Variants in COL20A1 observed in about 807,000 individuals in gnomAD.
COL20A1 encodes the protein collagen type XX alpha 1 chain.
In COL20A1, 164 loss-of-function variants were observed where a neutral mutation model predicts 152.9. The ratio of observed to expected loss-of-function variants is 1.07; its 90% CI spans 0.94 to 1.22. COL20A1 has a LOEUF of 1.22. Among genes scored for constraint, COL20A1 ranks in the 50% most tolerant of loss-of-function variants. The pLI is 0.00. For missense variants in COL20A1, 1,873 were observed against 1,744.8 expected (o/e 1.07, Z -1.31); for synonymous variants, 864 against 756.0 (o/e 1.14, Z -2.34).
chr20:63,319,664 C>A lies in COL20A1; in HGVS notation c.2916+68C>A. ...CTGGGGCAGCCCAGCCCCACAGGGACCTGCCGGATGCCAACTCCTCTCCCT... is the reference window on the plus strand; with the variant it reads ...CTGGGGCAGCCCAGCCCCACAGGGAACTGCCGGATGCCAACTCCTCTCCCT... On this transcript the variant is annotated intron_variant, in intron 23 of 35. Transcript: ENST00000358894. This position sits in a 1 kb window ranked among gnomAD's most constrained non-coding sequence, Gnocchi z 4.4. 1.8e-6 allele frequency: 2 copies of A among 1,115,150 alleles called. No individual in the cohort carries two copies. Among genetic ancestry groups the A allele is most frequent in the Non-Finnish European group, 2.6e-6 (2 of 761,314 alleles). The allele number at this position is 1,115,150 out of a possible 1,614,324, so 69.1% of individuals were successfully genotyped here. A position where few individuals can be genotyped will look rare whatever the true frequency, so the allele number is the denominator to read the frequency against.
At position 63,306,805 on chromosome 20, in the gene COL20A1, C is replaced by G. The variant is rs1190853743; in HGVS notation, c.497-685C>G. Among the ~76,000 whole-genome samples, 2 of 152,238 alleles carry G rather than the reference C, an allele frequency of 1.3e-5. No homozygotes were observed. Among genetic ancestry groups the G allele is most frequent in the East Asian group, 3.8e-4 (2 of 5,200 alleles). ...TCTACCTCCCCCGTCAGACTTGGAA[C>G]TGAAGGAAGTGTTCTCCTCAGACTT... On this transcript the variant is annotated intron_variant, in intron 5 of 35. Coordinates refer to ENST00000358894, the MANE Select transcript of COL20A1 (RefSeq NM_020882.4). This position sits in a 1 kb window ranked among gnomAD's most constrained non-coding sequence, Gnocchi z 6.9.
chr20:63,318,203 C>A (rs998667379), intron 21 of COL20A1, among the ~76,000 whole-genome samples: 1 of 152,164 alleles, frequency 6.6e-6, no homozygotes, highest in Admixed American at 6.5e-5. Context: ...AGGGTGGACC[C>A]CCGTGAGGGT....
At chr20:63,297,497 G>A (rs1363983105) in intron 2 of COL20A1, among the ~76,000 whole-genome samples, 4 of 152,196 alleles carry the variant, frequency 2.6e-5, no homozygotes, top group Non-Finnish European at 4.4e-5. Flanking sequence ...TCAGGGCCCT[G>A]GGCAGGTTGC....
Position 63,311,930 on chromosome 20 carries a change from C to G in COL20A1, c.1678C>G (p.Pro560Ala), listed in dbSNP as rs764931387. ...GTGCTTTGCAGCCACCCTGGCCCCC[C>G]CGAGACACCTGGGCTTCTCAGACGT... The part of the protein sequence containing the change: ...IRARTPTLAP[P>A]RHLGFSDVSH... The change falls in exon 14 of 36, where the codon CCG (proline) becomes GCG (alanine). Residue 560 changes from proline to alanine, a missense_variant. Coordinates refer to ENST00000358894, the MANE Select transcript of COL20A1 (RefSeq NM_020882.4). The surrounding 1 kb of genome is among the most constrained non-coding windows in gnomAD (Gnocchi z 4.4). The G allele has an allele frequency of 6.3e-5, 98 of 1,564,962 alleles. 1 individual carries two copies. The East Asian group carries it at 1.3e-3, about 21-fold the overall frequency.
Position 63,315,413 on chromosome 20 carries a change from C to T in COL20A1, c.2498C>T (p.Ala833Val). 6.3e-7 allele frequency: 1 copy of T among 1,578,026 alleles called. No homozygotes were observed. Among genetic ancestry groups the T allele is most frequent in the Non-Finnish European group, 8.6e-7 (1 of 1,166,650 alleles). Residue 833 changes from alanine (A) to valine (V), a missense_variant, in exon 20 of 36, where the codon GCC (alanine) becomes GTC (valine). Transcript: ENST00000358894. ...TGTCTCCTCTCAGCAGCCTGCCCAG[C>T]CCTCCGCCCTGACGGCTCCCTCCCA... ...VSATGQTACP[A>V]LRPDGSLPGF... is the part of the protein sequence containing the mutation.
At chr20:63,295,428 T>C (rs555535537) in intron 2 of COL20A1, among the ~76,000 whole-genome samples, 81 of 152,374 alleles carry the variant, frequency 5.3e-4, no homozygotes, top group African/African-American at 1.8e-3. Flanking sequence ...TATTAATGCT[T>C]GGCCGAGAGT....
chr20:63,307,110 C>A (rs1369163209), intron 5 of COL20A1, among the ~76,000 whole-genome samples: 2 of 152,224 alleles, frequency 1.3e-5, no homozygotes, highest in Admixed American at 1.3e-4. Context: ...CCGGGGATGG[C>A]GGCTTTGCCT....
At chr20:63,320,927 A>C in intron 25 of COL20A1, 86 bp from the exon 26 acceptor site, 1 of 1,027,926 alleles carries the variant, frequency 9.7e-7, no homozygotes, top group Non-Finnish European at 1.5e-6. Context: ...CCTGGAGCCC[A>C]GGTGTCATTG....
chr20:63,310,333 C>T (rs1194542036), intron 10 of COL20A1, 48 bp from the exon 11 acceptor site: 4 of 1,596,890 alleles, frequency 2.5e-6, no homozygotes, highest in Non-Finnish European at 3.4e-6. Flanking sequence ...TGCTCCCCAT[C>T]CCCCGGCACC....
At chr20:63,329,827 T>C (rs941452862) in intron 35 of COL20A1, among the ~76,000 whole-genome samples, 166 bp downstream of exon 35, 1 of 152,058 alleles carries the variant, frequency 6.6e-6, no homozygotes, top group East Asian at 1.9e-4. Flanking sequence ...TAGGGTCAAC[T>C]ATGGACCCCG....
At position 63,325,213 on chromosome 20, in the gene COL20A1, CAGGAG is replaced by C; in HGVS notation, c.3295-227_3295-223del. 3 of 682,964 alleles carry C rather than the reference CAGGAG, an allele frequency of 4.4e-6. No homozygotes were observed. The South Asian group carries it at 4.6e-5, about 10-fold the overall frequency. 42.3% of individuals were successfully genotyped at this position (682,964 alleles called of 1,614,324 possible). On this transcript the variant is annotated intron_variant, in intron 27 of 35. Transcript: ENST00000358894. ...GGCTGGCTGTGACCCAGAGGGGCCA[CAGGAG>C]GGGTGGCAAGCGTGACCTTGTCAGG... is the stretch of plus-strand genomic sequence containing the variant.
At position 63,332,541 on chromosome 20, in the gene COL20A1, C is replaced by T. The variant is rs1006498204; in HGVS notation, c.*1825C>T. 2 of 152,220 alleles carry T rather than the reference C, an allele frequency of 1.3e-5. No homozygotes were observed. The highest frequency in any genetic ancestry group is 2.9e-5 in the Non-Finnish European group (2 of 68,050). The allele number at this position is 152,220 out of a possible 1,614,324, so 9.4% of individuals were successfully genotyped here. On this transcript the variant is annotated 3_prime_UTR_variant, in exon 36 of 36. Coordinates refer to ENST00000358894, the MANE Select transcript of COL20A1 (RefSeq NM_020882.4). ...GGCATCCAGAGCCTTCCAAAGGAGC[C>T]CCTCTCCTGGGGCTCTCCAATTTGA...
chr20:63,302,119 C>G (rs2067869608), intron 3 of COL20A1, among the ~76,000 whole-genome samples: 1 of 152,116 alleles, frequency 6.6e-6, no homozygotes, highest in South Asian at 2.1e-4. Flanking sequence ...ATGTCCCTCT[C>G]CTCAACCCCC....
In COL20A1 at chr20:63,305,311, A is replaced by C; in HGVS notation, c.194-106A>C. The C allele has an allele frequency of 1.1e-6, 1 of 874,560 alleles. No individual in the cohort carries two copies. The highest frequency in any genetic ancestry group is 1.6e-6 in the Non-Finnish European group (1 of 626,978). 54.2% of individuals were successfully genotyped at this position (874,560 alleles called of 1,614,324 possible). A position where few individuals can be genotyped will look rare whatever the true frequency, so the allele number is the denominator to read the frequency against. On this transcript the variant is annotated intron_variant, in intron 3 of 35. Transcript: ENST00000358894. The surrounding 1 kb of genome is among the most constrained non-coding windows in gnomAD (Gnocchi z 4.9). ...TTTCTGTCTCTCTGGCTTCAAGGGGAGCAGCTGGGGTGGGGAGGAGGAGCC... is the reference window on the plus strand; with the variant it reads ...TTTCTGTCTCTCTGGCTTCAAGGGGCGCAGCTGGGGTGGGGAGGAGGAGCC...
At chr20:63,329,699 A>AG (rs1310180105) in intron 35 of COL20A1, 38 bp downstream of exon 35, 1 of 1,432,630 alleles carries the variant, frequency 7.0e-7, no homozygotes, top group African/African-American at 1.4e-5. Context: ...GCCAAGGCTG[A>AG]GGGCATCCAG....
chr20:63,310,749 A>C (rs2067994174), intron 11 of COL20A1, among the ~76,000 whole-genome samples: 1 of 152,080 alleles, frequency 6.6e-6, no homozygotes, highest in South Asian at 2.1e-4. Flanking sequence ...CTGTAATCAC[A>C]GCCCATTATG....
In COL20A1 at chr20:63,320,093, G is replaced by A. The variant is rs1427560452; in HGVS notation, c.2971G>A (p.Val991Met). ...CAGGCTCTATGTGGACTGCCGGAAG[G>A]TGGCTGAGCGGCCCCTTGGGGAGAT... ...KVRLYVDCRK[V>M]AERPLGEMGS... Residue 991 changes from valine to methionine, a missense_variant, in exon 24 of 36, where the codon GTG (valine) becomes ATG (methionine). Transcript: ENST00000358894. The A allele has an allele frequency of 2.6e-6, 4 of 1,554,482 alleles. No individual in the cohort carries two copies. The South Asian group carries it at 4.7e-5, about 18-fold the overall frequency.
chr20:63,328,014 A>C, intron 32 of COL20A1, 27 bp downstream of exon 32: 1 of 1,611,918 alleles, frequency 6.2e-7, no homozygotes, highest in Non-Finnish European at 8.5e-7. Flanking sequence ...TCTTTGGCTC[A>C]CTTGGGATCT....
rs2067943954 is a variant in COL20A1, at chr20:63,307,610, T to TCGCA, written c.619_622dup (p.Pro208ArgfsTer4). On this transcript the variant is annotated frameshift_variant, in exon 6 of 36. Coordinates refer to ENST00000358894, the MANE Select transcript of COL20A1 (RefSeq NM_020882.4). LOFTEE classifies it high-confidence loss of function. ...GTCAAGGACTTCCTGGCCAGTGTCA[T>TCGCA]CGCACCCTTTGAAATCGGGCCGGAT... is the stretch of plus-strand genomic sequence containing the variant. 6.2e-7 allele frequency: 1 copy of TCGCA among 1,612,436 alleles called. No homozygotes were observed. Among genetic ancestry groups the TCGCA allele is most frequent in the Non-Finnish European group, 8.5e-7 (1 of 1,179,712 alleles).
Sources: gnomAD v4.1 joint callset for allele counts (sites outside exome capture counted in the v4.1 genomes callset) on GRCh38, gnomAD v4.1.1 for gene constraint, Gnocchi (gnomAD v3.1) non-coding constraint, MANE v1.5 for transcripts, NCBI Gene and HGNC (gene_info 2026-07-23, HGNC 2026-07-21) for gene names.